The following OSBPL7 variants were observed in gnomAD, a reference collection of about 807,000 sequenced individuals.
The protein encoded by OSBPL7 is oxysterol-binding protein-related protein 7.
OSBPL7 carries 66 observed loss-of-function variants against 115.8 expected under a neutral mutation model. The ratio of observed to expected loss-of-function variants is 0.57; its 90% confidence interval spans 0.47 to 0.70. The LOEUF (loss-of-function observed/expected upper bound fraction) is 0.70, where lower values mean the gene tolerates loss of function less well. Ranked by LOEUF, OSBPL7 falls within the 30% of genes least tolerant of loss-of-function variation. OSBPL7 has a pLI of 0.00. For synonymous variants in OSBPL7, 441 were observed against 439.2 expected, an observed-to-expected ratio of 1.00 and a Z score of -0.05; for missense variants, 902 against 1,125.5, an observed-to-expected ratio of 0.80 and a Z score of 2.84.
At position 47,819,992 on chromosome 17, in the gene OSBPL7, C is replaced by T. The variant is rs948037417; in HGVS notation, c.180G>A (p.Trp60Ter). Residue 60 changes from tryptophan to a stop codon, truncating the protein, a stop_gained, in exon 3 of 23, where the codon TGG becomes TGA. Coordinates refer to ENST00000007414, the MANE Select transcript of OSBPL7 (RefSeq NM_145798.3). LOFTEE classifies it high-confidence loss of function. Reference sequence around the variant, plus strand: ...CTACCTTGTGCCAGCCCTTCAGAGGCCACTTCCTCTTCTTGAGCAGGTGAC... The same window carrying T: ...CTACCTTGTGCCAGCCCTTCAGAGGTCACTTCCTCTTCTTGAGCAGGTGAC... ...QEGHLLKKRK[W>*]PLKGWHKRYF... 2 of 1,479,006 alleles carry T rather than the reference C, an allele frequency of 1.4e-6. No individual in the cohort carries two copies. Among genetic ancestry groups the T allele is most frequent in the Non-Finnish European group, 1.8e-6 (2 of 1,100,454 alleles). 91.6% of individuals were successfully genotyped at this position (1,479,006 alleles called of 1,614,324 possible).
Position 47,817,261 on chromosome 17 carries a change from G to GTATCCCC in OSBPL7, c.696_697insGGGGATA (p.His233GlyfsTer31). On this transcript the variant is annotated frameshift_variant, in exon 8 of 23. Coordinates refer to ENST00000007414, the MANE Select transcript of OSBPL7 (RefSeq NM_145798.3). LOFTEE classifies it high-confidence loss of function. ...TGTGTACCCCTGGATCTTACCTGGT[G>GTATCCCC]TGTGGGGATAACAGGGGCTGAGGGG... 1 of 1,593,370 alleles carries GTATCCCC rather than the reference G, an allele frequency of 6.3e-7. No individual in the cohort carries two copies. The highest frequency in any genetic ancestry group is 8.5e-7 in the Non-Finnish European group (1 of 1,174,332).
Position 47,808,352 on chromosome 17 carries a change from G to T in OSBPL7, c.2468C>A (p.Thr823Asn). Residue 823 changes from threonine (T) to asparagine (N), a missense_variant, in exon 23 of 23, where the codon ACC becomes AAC. Thr to Asn is a moderately conservative substitution (Grantham distance 65, BLOSUM62 0). This residue lies in a region of OSBPL7 where 230 missense variants were observed against 312.7 expected (regional missense o/e 0.74). Coordinates refer to ENST00000007414, the MANE Select transcript of OSBPL7 (RefSeq NM_145798.3). This position sits in a 1 kb window ranked among gnomAD's most constrained non-coding sequence, Gnocchi z 6.1. ...TGGCTCGGCCCGCAGCCTCCAGTAG[G>T]TATTGTTGGTCACCCACCACTCTTT... ...SGKEWWVTNN[T>N]YWRLRAEPGY... is the part of the protein sequence containing the mutation. 1 of 1,614,150 alleles carries T rather than the reference G, an allele frequency of 6.2e-7. No homozygotes were observed. Among genetic ancestry groups the T allele is most frequent in the Non-Finnish European group, 8.5e-7 (1 of 1,180,002 alleles).
chr17:47,818,523 TG>T lies in OSBPL7; in HGVS notation c.462del (p.Ser155ValfsTer34). The part of the protein sequence containing the change: ...HRLDMPRGSL[P>X]STAHRKVPGA... ...CACCTTACCTTCCGGTGAGCAGTAC[TG>T]GGCAGTGAGCCACGGGGCATGTCCA... On this transcript the variant is annotated frameshift_variant, in exon 6 of 23. Transcript: ENST00000007414. LOFTEE classifies it high-confidence loss of function. The T allele has an allele frequency of 1.2e-6, 2 of 1,607,808 alleles. No homozygotes were observed. Among genetic ancestry groups the T allele is most frequent in the Non-Finnish European group, 1.7e-6 (2 of 1,176,926 alleles).
chr17:47,820,605 A>C, intron 1 of OSBPL7: 3 of 270,544 alleles, frequency 1.1e-5, no homozygotes, highest in Non-Finnish European at 1.4e-5. Flanking sequence ...CACAAGACAT[A>C]TGCCCAGCCC....
rs760373425 is a variant in OSBPL7, at chr17:47,809,415, C to T, written c.1944G>A (p.Gln648=). 3 of 1,614,188 alleles carry T rather than the reference C, an allele frequency of 1.9e-6. No homozygotes were observed. The highest frequency in any genetic ancestry group is 2.5e-6 in the Non-Finnish European group (3 of 1,180,008). The change falls in exon 19 of 23, where the codon CAG becomes CAA. Residue 648 remains glutamine, a synonymous_variant. Transcript: ENST00000007414. The part of the protein sequence containing the change: ...TSCIHNVLSG[Q]RWIEHYGEVL... ...CCTCCCCATAGTGCTCGATCCAGCG[C>T]TGACCACTCAGGACATTGTGAATGC...
At position 47,821,344 on chromosome 17, in the gene OSBPL7, G is replaced by A. The variant is rs145615918; in HGVS notation, c.-88+322C>T. Among the ~76,000 whole-genome samples the A allele has an allele frequency of 3.5e-3, 534 of 152,314 alleles. 1 individual carries two copies. Among genetic ancestry groups the A allele is most frequent in the Non-Finnish European group, 5.5e-3 (377 of 68,022 alleles). On this transcript the variant is annotated intron_variant, in intron 1 of 22. Transcript: ENST00000007414. ...CCCAGAGGGGACAGGGATGTGGCAG[G>A]AACGGGTGCCCAGGAGGTTGGGGCA...
At chr17:47,815,130 G>A in intron 13 of OSBPL7, 85 bp downstream of exon 13, 1 of 1,507,430 alleles carries the variant, frequency 6.6e-7, no homozygotes, top group South Asian at 1.2e-5. Context: ...AGGGGCTGAG[G>A]AATCTATGGT....
chr17:47,813,421 G>T lies in OSBPL7; in HGVS notation c.1600-18C>A. On this transcript the variant is annotated intron_variant, in intron 15 of 22. Coordinates refer to ENST00000007414, the MANE Select transcript of OSBPL7 (RefSeq NM_145798.3). ...ATGTACACCTGTGGGGGGCAAGGAA[G>T]GTGCAGGGTACTGAGGACGGGGCCG... 2 of 1,613,712 alleles carry T rather than the reference G, an allele frequency of 1.2e-6. No homozygotes were observed. Among genetic ancestry groups the T allele is most frequent in the African/African-American group, 1.3e-5 (1 of 75,062 alleles).
At position 47,818,307 on chromosome 17, in the gene OSBPL7, C is replaced by T; in HGVS notation, c.560G>A (p.Trp187Ter). Residue 187 changes from tryptophan to a stop codon, truncating the protein, a stop_gained, in exon 7 of 23, where the codon TGG (tryptophan) becomes TAG (stop). Coordinates refer to ENST00000007414, the MANE Select transcript of OSBPL7 (RefSeq NM_145798.3). LOFTEE classifies it high-confidence loss of function. ...GTCCAGCCCATCACTGTCCCTCAGCCAGGAAGACACTTTCTCCCGCGGTCC... is the reference window on the plus strand; with the variant it reads ...GTCCAGCCCATCACTGTCCCTCAGCTAGGAAGACACTTTCTCCCGCGGTCC... ...GLGPREKVSSWLRDSDGLDRC... is the reference protein window; with the variant it reads ...GLGPREKVSS 1 of 1,614,074 alleles carries T rather than the reference C, an allele frequency of 6.2e-7. No individual in the cohort carries two copies.
chr17:47,814,326 C>G (rs1456676878), intron 14 of OSBPL7, among the ~76,000 whole-genome samples, 195 bp downstream of exon 14: 1 of 152,232 alleles, frequency 6.6e-6, no homozygotes, highest in African/African-American at 2.4e-5. Context: ...CTGAGCCTGG[C>G]CCACCCCAGC....
chr17:47,813,359 G>C lies in OSBPL7; in HGVS notation c.1644C>G (p.Tyr548Ter), dbSNP rs1158639096. The C allele has an allele frequency of 6.2e-7, 1 of 1,614,086 alleles. No individual in the cohort carries two copies. Among genetic ancestry groups the C allele is most frequent in the Non-Finnish European group, 8.5e-7 (1 of 1,180,050 alleles). ...AFAVSAYSST[Y>*]HRAGCKPFNP... ...TGAAGGGCTTGCAGCCGGCTCGGTG[G>C]TATGTGGAGGAGTAGGCCGAGACAG... Residue 548 changes from tyrosine to a stop codon, truncating the protein, a stop_gained, in exon 16 of 23, where the codon TAC becomes TAG. Transcript: ENST00000007414. LOFTEE classifies it high-confidence loss of function.
chr17:47,814,022 A>C (rs1028929133), intron 14 of OSBPL7, among the ~76,000 whole-genome samples, 188 bp from the exon 15 acceptor site: 18 of 152,302 alleles, frequency 1.2e-4, no homozygotes, highest in Middle Eastern at 3.4e-3. Context: ...CCAGGGACTC[A>C]GTTGGCTGGC....
Position 47,813,398 on chromosome 17 carries a change from G to A in OSBPL7, c.1605C>T (p.Tyr535=). 4 of 1,613,912 alleles carry A rather than the reference G, an allele frequency of 2.5e-6. No homozygotes were observed. Among genetic ancestry groups the A allele is most frequent in the Non-Finnish European group, 3.4e-6 (4 of 1,180,026 alleles). Residue 535 remains tyrosine, a synonymous_variant, in exon 16 of 23, where the codon TAC becomes TAT. Transcript: ENST00000007414. ...RIADPCERMV[Y]IAAFAVSAYS... ...AGGCCGAGACAGCAAAGGCTGCGAT[G>A]TACACCTGTGGGGGGCAAGGAAGGT...
chr17:47,817,502 G>A (rs1205244913), intron 7 of OSBPL7, 143 bp from the exon 8 acceptor site: 5 of 583,132 alleles, frequency 8.6e-6, no homozygotes, highest in Non-Finnish European at 1.5e-5. Flanking sequence ...TGATTCTCCT[G>A]CCTCAGCCTC....
chr17:47,819,745 G>C lies in OSBPL7; in HGVS notation c.239C>G (p.Ala80Gly). Residue 80 changes from alanine to glycine, a missense_variant, in exon 4 of 23, where the codon GCA becomes GGA. Coordinates refer to ENST00000007414, the MANE Select transcript of OSBPL7 (RefSeq NM_145798.3). ...FVLEDGILHYATTRQDITKGK... is the reference protein window; with the variant it reads ...FVLEDGILHYGTTRQDITKGK... ...CGGGCTCACGTCTTGCCGGGTTGTT[G>C]CATAATGAAGGATCCCGTCCTCGAG... 1 of 1,614,128 alleles carries C rather than the reference G, an allele frequency of 6.2e-7. No homozygotes were observed. The highest frequency in any genetic ancestry group is 8.5e-7 in the Non-Finnish European group (1 of 1,180,008).
intron 13 of OSBPL7, 97 bp from the exon 14 acceptor site, chr17:47,814,711 T>G: frequency 9.6e-7 from 1 of 1,046,838 alleles, no homozygotes; most frequent in Non-Finnish European, 1.4e-6. Flanking sequence ...ACTAGCCCTT[T>G]GGTGGGAAGG....
At position 47,807,385 on chromosome 17, in the gene OSBPL7, T is replaced by C. The variant is rs535754659; in HGVS notation, c.*906A>G. The C allele has an allele frequency of 6.6e-6, 1 of 152,576 alleles. No individual in the cohort carries two copies. The highest frequency in any genetic ancestry group is 1.5e-5 in the Non-Finnish European group (1 of 68,020). 9.5% of individuals were successfully genotyped at this position (152,576 alleles called of 1,614,324 possible). ...CACAGGCCAAAGTCTGGGACAGTCT[T>C]TATTGGAGCTTGGAATGTCATAGCA... On this transcript the variant is annotated 3_prime_UTR_variant, in exon 23 of 23. Coordinates refer to ENST00000007414, the MANE Select transcript of OSBPL7 (RefSeq NM_145798.3).
chr17:47,810,999 C>T (rs1414371604), intron 16 of OSBPL7, among the ~76,000 whole-genome samples, 164 bp from the exon 17 acceptor site: 4 of 152,122 alleles, frequency 2.6e-5, no homozygotes, highest in African/African-American at 7.2e-5. Flanking sequence ...ATCATCCTCC[C>T]TTCTTCCCAT....
intron 6 of OSBPL7, 48 bp from the exon 7 acceptor site, chr17:47,818,434 G>A (rs2033293773): frequency 6.3e-7 from 1 of 1,597,054 alleles, no homozygotes; most frequent in Non-Finnish European, 8.6e-7. Flanking sequence ...ACCTCCCTGG[G>A]TCTCACAGTT....
Sources: allele counts gnomAD v4.1 joint callset (sites outside exome capture counted in the v4.1 genomes callset), GRCh38; gene constraint gnomAD v4.1.1; regional missense constraint gnomAD v4.1.1; non-coding constraint Gnocchi (gnomAD v3.1); transcripts MANE v1.5; gene names NCBI Gene and HGNC (gene_info 2026-07-23, HGNC 2026-07-21).